Variants in GABPB1 observed in about 807,000 individuals in gnomAD.
GABPB1 encodes the protein GA-binding protein subunit beta-1.
GABPB1 carries 15 observed loss-of-function variants against 45.9 expected under a neutral mutation model. That is an observed-to-expected ratio of 0.33 (90% CI 0.22 to 0.50). The LOEUF is 0.50. Ranked by LOEUF, GABPB1 falls within the 20% of genes least tolerant of loss-of-function variation. The probability of loss-of-function intolerance (pLI) is 0.98; values close to 1 mark genes in which losing one functional copy is unlikely to be tolerated. For missense variants in GABPB1, 252 were observed against 457.5 expected (o/e 0.55, Z 4.10); for synonymous variants, 143 against 154.4 (o/e 0.93, Z 0.55).
intron 2 of GABPB1, among the ~76,000 whole-genome samples, chr15:50,308,921 G>A (rs1432100543): frequency 6.6e-6 from 1 of 152,068 alleles, no homozygotes; most frequent in South Asian, 2.1e-4. Flanking sequence ...GAGTTATAGA[G>A]GAAACAATAT....
intron 6 of GABPB1, among the ~76,000 whole-genome samples, chr15:50,297,669 T>C (rs1283460525): frequency 6.6e-6 from 1 of 152,144 alleles, no homozygotes; most frequent in Non-Finnish European, 1.5e-5. Flanking sequence ...ACCCCATCTC[T>C]ACTAAAAATA....
At chr15:50,300,554 T>C (rs937393742) in intron 6 of GABPB1, among the ~76,000 whole-genome samples, 1 of 147,590 alleles carries the variant, frequency 6.8e-6, no homozygotes, top group Non-Finnish European at 1.5e-5. Context: ...GCAATCCTCC[T>C]GCCTCAGCCT....
intron 1 of GABPB1, among the ~76,000 whole-genome samples, chr15:50,335,895 C>CAAAAAA (rs775073809): frequency 3.8e-5 from 3 of 79,306 alleles, no homozygotes; most frequent in Admixed American, 1.4e-4. Context: ...GACTCCGACT[C>CAAAAAA]AAAAAAAAAA....
intron 1 of GABPB1, among the ~76,000 whole-genome samples, chr15:50,323,912 T>A (rs2047660653): frequency 6.6e-6 from 1 of 151,928 alleles, no homozygotes; most frequent in South Asian, 2.1e-4. Context: ...AATTTAAATT[T>A]AAAAAAATGG....
chr15:50,350,942 T>G (rs2048795772), intron 1 of GABPB1: 1 of 152,186 alleles, frequency 6.6e-6, no homozygotes, highest in Non-Finnish European at 1.5e-5. Flanking sequence ...CTTCTTTAGG[T>G]CAAACATCCC....
chr15:50,336,856 G>C (rs1420936695), intron 1 of GABPB1, among the ~76,000 whole-genome samples: 1 of 150,492 alleles, frequency 6.6e-6, no homozygotes, highest in Non-Finnish European at 1.5e-5. Context: ...ATGACTGAGA[G>C]GATGAGGCAG....
chr15:50,298,453 T>C (rs968048794), intron 6 of GABPB1, among the ~76,000 whole-genome samples: 14 of 152,270 alleles, frequency 9.2e-5, no homozygotes, highest in African/African-American at 3.4e-4. Context: ...ACCAATGAAA[T>C]CAGTTTTCTT....
chr15:50,346,979 G>A (rs926456065), intron 1 of GABPB1, among the ~76,000 whole-genome samples: 3 of 151,828 alleles, frequency 2.0e-5, no homozygotes, highest in Admixed American at 6.6e-5. Flanking sequence ...TAGTAGAGAT[G>A]GGGTTTCACC....
intron 1 of GABPB1, among the ~76,000 whole-genome samples, chr15:50,325,669 T>C (rs1359358787): frequency 6.7e-6 from 1 of 150,042 alleles, no homozygotes; most frequent in Non-Finnish European, 1.5e-5. Flanking sequence ...GTAGCTGGGA[T>C]TACAGGTGCA....
intron 1 of GABPB1, among the ~76,000 whole-genome samples, chr15:50,321,460 A>G (rs1490722859): frequency 6.6e-6 from 1 of 152,250 alleles, no homozygotes; most frequent in Admixed American, 6.5e-5. Context: ...TAACCTGAGG[A>G]CATCCCACCA....
intron 1 of GABPB1, chr15:50,353,634 A>G (rs1001382108): frequency 6.6e-6 from 1 of 152,180 alleles, no homozygotes; most frequent in African/African-American, 2.4e-5. Context: ...CTTAAATTCA[A>G]AGTCTGAGCC....
intron 6 of GABPB1, among the ~76,000 whole-genome samples, chr15:50,296,526 T>C (rs1471413873): frequency 1.3e-5 from 2 of 152,206 alleles, no homozygotes; most frequent in Non-Finnish European, 2.9e-5. Flanking sequence ...ATAAACTGCA[T>C]AGGAGAGATG....
intron 1 of GABPB1, among the ~76,000 whole-genome samples, chr15:50,329,723 A>T (rs1049928870): frequency 2.6e-5 from 4 of 152,202 alleles, no homozygotes; most frequent in African/African-American, 4.8e-5. Flanking sequence ...CAAAAGTCAG[A>T]GCTAAATAAT....
intron 1 of GABPB1, among the ~76,000 whole-genome samples, chr15:50,324,703 C>T (rs368333228): frequency 6.6e-6 from 1 of 152,004 alleles, no homozygotes; most frequent in Non-Finnish European, 1.5e-5. Context: ...TGCCACCACG[C>T]CCAGCTAATT....
intron 1 of GABPB1, among the ~76,000 whole-genome samples, chr15:50,325,861 G>C (rs532396198): frequency 6.6e-6 from 1 of 151,590 alleles, no homozygotes; most frequent in South Asian, 2.1e-4. Context: ...ACTAACTTCA[G>C]AATATGCAAG....
At chr15:50,315,456 C>T (rs542451264) in intron 1 of GABPB1, among the ~76,000 whole-genome samples, 1 of 152,046 alleles carries the variant, frequency 6.6e-6, no homozygotes, top group African/African-American at 2.4e-5. Flanking sequence ...TTAAAGTTAG[C>T]GGAAGGGGCA....
At chr15:50,312,829 G>A (rs1174142625) in intron 1 of GABPB1, among the ~76,000 whole-genome samples, 1 of 152,048 alleles carries the variant, frequency 6.6e-6, no homozygotes, top group East Asian at 1.9e-4. Flanking sequence ...GAGAGTTTAG[G>A]GCTTTTCCCC....
chr15:50,286,189 AT>A lies in GABPB1; in HGVS notation c.884-7del. On this transcript the variant is annotated splice_polypyrimidine_tract_variant and splice_region_variant and intron_variant, in intron 7 of 8. Transcript: ENST00000380877. ...TGTTGCTGGTACTGTTAATACTAAA[AT>A]GAAAAAAAAATTATGTATTACTTCA... The A allele has an allele frequency of 6.6e-7, 1 of 1,511,412 alleles. No homozygotes were observed. Among genetic ancestry groups the A allele is most frequent in the Non-Finnish European group, 8.9e-7 (1 of 1,121,216 alleles). 93.6% of individuals were successfully genotyped at this position (1,511,412 alleles called of 1,614,324 possible).
chr15:50,297,369 C>A (rs1043986042), intron 6 of GABPB1, among the ~76,000 whole-genome samples: 1 of 152,028 alleles, frequency 6.6e-6, no homozygotes, highest in Admixed American at 6.6e-5. Context: ...CACACCACCA[C>A]ACCCAGCTAA....
Sources: allele counts gnomAD v4.1 joint callset (sites outside exome capture counted in the v4.1 genomes callset), GRCh38; gene constraint gnomAD v4.1.1; transcripts MANE v1.5; gene names NCBI Gene and HGNC (gene_info 2026-07-23, HGNC 2026-07-21).